RILPL1: variants seen among roughly 807,000 people sequenced by gnomAD.
RILPL1 encodes RILP-like protein 1.
RILPL1 carries 33 observed loss-of-function variants against 50.3 expected under a neutral mutation model. The ratio of observed to expected loss-of-function variants is 0.66; its 90% CI spans 0.50 to 0.88. RILPL1 has a LOEUF of 0.88. RILPL1 is among the 40% of genes least tolerant of loss of function. The probability of loss-of-function intolerance (pLI) is 0.00; values close to 1 mark genes in which losing one functional copy is unlikely to be tolerated. For missense variants in RILPL1, 418 were observed against 542.5 expected (o/e 0.77, Z 2.28); for synonymous variants, 205 against 228.6 (o/e 0.90, Z 0.93).
chr12:123,533,297 C>T lies in RILPL1; in HGVS notation c.186G>A (p.Glu62=). Residue 62 remains glutamate (E), a synonymous_variant, in exon 1 of 7, where the codon GAG becomes GAA. Coordinates refer to ENST00000376874, the MANE Select transcript of RILPL1 (RefSeq NM_178314.5). This position sits in a 1 kb window ranked among gnomAD's most constrained non-coding sequence, Gnocchi z 6.2. ...GGCGGCTGACCAGCACCTCCAGGAT[C>T]TCCAGGACGCGCACGACCTTGGGCA... ...RLMPKVVRVL[E]ILEVLVSRHH... is the part of the protein sequence containing the mutation. 6.3e-7 allele frequency: 1 copy of T among 1,585,284 alleles called. No homozygotes were observed. The highest frequency in any genetic ancestry group is 8.5e-7 in the Non-Finnish European group (1 of 1,170,434).
At chr12:123,494,379 C>G (rs940007798) in intron 4 of RILPL1, among the ~76,000 whole-genome samples, 5 of 152,240 alleles carry the variant, frequency 3.3e-5, no homozygotes, top group Non-Finnish European at 5.9e-5. Context: ...GCAAAGCAGC[C>G]TGGAGGGTTC....
intron 6 of RILPL1, among the ~76,000 whole-genome samples, chr12:123,482,466 A>G (rs1302928725): frequency 1.3e-5 from 2 of 151,938 alleles, no homozygotes; most frequent in African/African-American, 4.8e-5. Context: ...GTAGAGACAG[A>G]GTCTCACTAC....
At chr12:123,494,392 A>G (rs1305663498) in intron 4 of RILPL1, among the ~76,000 whole-genome samples, 1 of 152,124 alleles carries the variant, frequency 6.6e-6, no homozygotes, top group Non-Finnish European at 1.5e-5. Flanking sequence ...GAGGGTTCAC[A>G]TTACCGCAGC....
intron 2 of RILPL1, among the ~76,000 whole-genome samples, chr12:123,500,319 T>C (rs894734523): frequency 1.3e-4 from 19 of 146,826 alleles, no homozygotes; most frequent in African/African-American, 4.8e-4. Flanking sequence ...ATTCTCACTC[T>C]GTTGCCCAGG....
Position 123,498,459 on chromosome 12 carries a change from GGGA to G in RILPL1, c.801+82_801+84del, listed in dbSNP as rs1883168474. The G allele has an allele frequency of 2.4e-6, 3 of 1,233,550 alleles. No homozygotes were observed. In the Admixed American group the frequency reaches 5.5e-5, roughly 22 times the overall value. 76.4% of individuals were successfully genotyped at this position (1,233,550 alleles called of 1,614,324 possible). A position where few individuals can be genotyped will look rare whatever the true frequency, so the allele number is the denominator to read the frequency against. ...GTTGGCCATTTTCTGAAGTATAATGGGGAAAACAAGGCAACCCTGCCTGCCTTA... is the reference window on the plus strand; with the variant it reads ...GTTGGCCATTTTCTGAAGTATAATGGAAACAAGGCAACCCTGCCTGCCTTA... On this transcript the variant is annotated intron_variant, in intron 4 of 6. Transcript: ENST00000376874. The surrounding 1 kb of genome is among the most constrained non-coding windows in gnomAD (Gnocchi z 4.3).
At chr12:123,475,959 G>A (rs895328190) in intron 6 of RILPL1, 125 of 483,958 alleles carry the variant, frequency 2.6e-4, no homozygotes, top group Non-Finnish European at 4.0e-4. Flanking sequence ...GCTGGAGTGC[G>A]GTGGCGCAAT....
intron 4 of RILPL1, among the ~76,000 whole-genome samples, chr12:123,497,845 C>T (rs1453375337): frequency 1.3e-5 from 2 of 152,170 alleles, no homozygotes; most frequent in African/African-American, 2.4e-5. Flanking sequence ...CAGGTGACCA[C>T]ACCTGGCCTT....
chr12:123,498,586 C>A lies in RILPL1; in HGVS notation c.759G>T (p.Arg253Ser). The A allele has an allele frequency of 6.2e-7, 1 of 1,613,702 alleles. No individual in the cohort carries two copies. Among genetic ancestry groups the A allele is most frequent in the South Asian group, 1.1e-5 (1 of 91,080 alleles). ...LRAELGKLRERLQGEHSQNGE... is the reference protein window; with the variant it reads ...LRAELGKLRESLQGEHSQNGE... ...CATTCTGGCTGTGCTCCCCCTGCAG[C>A]CTCTCTCGCAACTTCCCCAGCTCTG... Residue 253 changes from arginine to serine, a missense_variant, in exon 4 of 7, where the codon AGG (arginine) becomes AGT (serine). Physicochemically the swap from Arg to Ser is moderately radical, Grantham distance 110 (BLOSUM62 -1). Transcript: ENST00000376874. The surrounding 1 kb of genome is among the most constrained non-coding windows in gnomAD (Gnocchi z 4.3).
intron 2 of RILPL1, among the ~76,000 whole-genome samples, chr12:123,500,131 C>T (rs1026327659): frequency 9.2e-5 from 14 of 151,752 alleles, no homozygotes; most frequent in African/African-American, 1.9e-4. Flanking sequence ...GGGGTTTCAC[C>T]GTGTTAGCCA....
intron 1 of RILPL1, among the ~76,000 whole-genome samples, chr12:123,526,123 T>C (rs1014118457): frequency 4.0e-4 from 61 of 152,076 alleles, no homozygotes; most frequent in Admixed American, 7.9e-4. Flanking sequence ...CTGGCCAGCA[T>C]GGCAAAACCC....
chr12:123,499,987 A>C (rs1389642215), intron 2 of RILPL1, among the ~76,000 whole-genome samples: 4 of 149,930 alleles, frequency 2.7e-5, no homozygotes, highest in Non-Finnish European at 4.4e-5. Context: ...GCTGGAGTGC[A>C]GTGGCGCGAT....
intron 1 of RILPL1, among the ~76,000 whole-genome samples, chr12:123,529,649 G>C (rs1311249949): frequency 6.6e-6 from 1 of 151,654 alleles, no homozygotes; most frequent in Non-Finnish European, 1.5e-5. Context: ...AGCACTTTGG[G>C]AGGACAAGAC....
intron 2 of RILPL1, among the ~76,000 whole-genome samples, chr12:123,521,977 G>A (rs1885084467): frequency 6.6e-6 from 1 of 151,882 alleles, no homozygotes. Flanking sequence ...GTTTCATCAC[G>A]TTGGCCAGGC....
chr12:123,490,488 CT>C (rs1279002369), intron 4 of RILPL1, among the ~76,000 whole-genome samples: 3 of 151,888 alleles, frequency 2.0e-5, no homozygotes, highest in East Asian at 1.9e-4. Context: ...AACCTGAGTT[CT>C]TTTTTTTCTG....
chr12:123,499,644 C>A, intron 2 of RILPL1, 108 bp from the exon 3 acceptor site: 1 of 777,136 alleles, frequency 1.3e-6, no homozygotes, highest in South Asian at 1.6e-5. Flanking sequence ...CCCCCGGCCT[C>A]CTCCCCAGCC....
chr12:123,484,310 A>C (rs780535465), intron 5 of RILPL1, 38 bp from the exon 6 acceptor site: 18 of 1,351,778 alleles, frequency 1.3e-5, no homozygotes, highest in Non-Finnish European at 3.2e-6. Flanking sequence ...AAAGAGTCAA[A>C]AGTTCCTTGA....
chr12:123,527,547 G>C (rs895216110), intron 1 of RILPL1, among the ~76,000 whole-genome samples: 8 of 151,860 alleles, frequency 5.3e-5, no homozygotes, highest in Non-Finnish European at 1.2e-4. Context: ...TGAGGCATGA[G>C]AATCACTTGA....
At chr12:123,516,625 G>C (rs778614078) in intron 2 of RILPL1, among the ~76,000 whole-genome samples, 1 of 152,210 alleles carries the variant, frequency 6.6e-6, no homozygotes, top group Non-Finnish European at 1.5e-5. Flanking sequence ...GCTCTAGATC[G>C]CTGTAATCCC....
At chr12:123,472,749 A>T in intron 6 of RILPL1, 67 bp from the exon 7 acceptor site, 1 of 1,531,134 alleles carries the variant, frequency 6.5e-7, no homozygotes, top group Non-Finnish European at 8.9e-7. Flanking sequence ...CGTTTTTTGC[A>T]ATGCCGGAGA....
Sources: allele counts gnomAD v4.1 joint callset (sites outside exome capture counted in the v4.1 genomes callset), GRCh38; gene constraint gnomAD v4.1.1; non-coding constraint Gnocchi (gnomAD v3.1); transcripts MANE v1.5; gene names NCBI Gene and HGNC (gene_info 2026-07-23, HGNC 2026-07-21).